HNRNPA1: variants seen among roughly 807,000 people sequenced by gnomAD.
HNRNPA1 encodes epididymis secretory sperm binding protein.
A neutral mutation model predicts 44.4 loss-of-function variants in HNRNPA1; 7 were observed. The observed-to-expected ratio is 0.16, with a 90% CI of 0.09 to 0.30. The LOEUF (loss-of-function observed/expected upper bound fraction) is 0.30, where lower values mean the gene tolerates loss of function less well. HNRNPA1 is among the 10% of genes least tolerant of loss of function. The pLI is 1.00. For synonymous variants in HNRNPA1, 169 were observed against 160.6 expected, an observed-to-expected ratio of 1.05 and a Z score of -0.40; for missense variants, 193 against 465.8, an observed-to-expected ratio of 0.41 and a Z score of 5.39.
At chr12:54,281,963 T>C in intron 3 of HNRNPA1, 22 bp downstream of exon 3, 2 of 1,611,862 alleles carry the variant, frequency 1.2e-6, no homozygotes, top group Non-Finnish European at 1.7e-6. Context: ...TTTTTTCTTC[T>C]TCTTCTTAAA....
At chr12:54,281,324 T>A in intron 1 of HNRNPA1, 62 bp from the exon 2 acceptor site, 1 of 926,780 alleles carries the variant, frequency 1.1e-6, no homozygotes, top group South Asian at 1.4e-5. Context: ...GTTTTTCTTT[T>A]CCTCGATGGA....
Position 54,286,622 on chromosome 12 carries a change from T to A in HNRNPA1, c.*2078T>A, listed in dbSNP as rs1426627089. On this transcript the variant is annotated 3_prime_UTR_variant, in exon 11 of 11. Coordinates refer to ENST00000340913, the MANE Select transcript of HNRNPA1 (RefSeq NM_031157.4). ...GGGGGGTTTAGCTTGAGATGGGACTTGGTCTTAGAGCTAGTTCTAAAGGTT... is the reference window on the plus strand; with the variant it reads ...GGGGGGTTTAGCTTGAGATGGGACTAGGTCTTAGAGCTAGTTCTAAAGGTT... The A allele has an allele frequency of 6.6e-6, 1 of 152,146 alleles. No homozygotes were observed. Among genetic ancestry groups the A allele is most frequent in the Non-Finnish European group, 1.5e-5 (1 of 68,014 alleles). The allele number at this position is 152,146 out of a possible 1,614,324, so 9.4% of individuals were successfully genotyped here. A position where few individuals can be genotyped will look rare whatever the true frequency, so the allele number is the denominator to read the frequency against.
chr12:54,282,198 A>G lies in HNRNPA1; in HGVS notation c.388A>G (p.Lys130Glu). The change falls in exon 4 of 11, where the codon AAA (lysine) becomes GAA (glutamate). Residue 130 changes from lysine (K) to glutamate (E), a missense_variant. This residue lies in a region of HNRNPA1 where 57 missense variants were observed against 231.3 expected (regional missense o/e 0.25). Coordinates refer to ENST00000340913, the MANE Select transcript of HNRNPA1 (RefSeq NM_031157.4). ...HLRDYFEQYG[K>E]IEVIEIMTDR... is the part of the protein sequence containing the mutation. ...AAGAGATTATTTTGAACAGTATGGA[A>G]AAATTGAAGTGATTGAAATCATGAC... 6.2e-7 allele frequency: 1 copy of G among 1,604,694 alleles called. No individual in the cohort carries two copies.
At chr12:54,281,687 C>G in intron 2 of HNRNPA1, 108 bp from the exon 3 acceptor site, 1 of 1,266,902 alleles carries the variant, frequency 7.9e-7, no homozygotes, top group Non-Finnish European at 1.1e-6. Flanking sequence ...AACTGGACGA[C>G]TTTTTATAAA....
At position 54,282,313 on chromosome 12, in the gene HNRNPA1, T is replaced by A. The variant is rs377105754; in HGVS notation, c.490+13T>A. 33 of 1,612,826 alleles carry A rather than the reference T, an allele frequency of 2.0e-5. No homozygotes were observed. The highest frequency in any genetic ancestry group is 2.7e-5 in the African/African-American group (2 of 74,918). ...GATAAGATTGTCAGTAAGTATCAGATAGTGGCATTTAGTAAGGGTTCCACA... is the reference window on the plus strand; with the variant it reads ...GATAAGATTGTCAGTAAGTATCAGAAAGTGGCATTTAGTAAGGGTTCCACA... On this transcript the variant is annotated intron_variant, in intron 4 of 10. Coordinates refer to ENST00000340913, the MANE Select transcript of HNRNPA1 (RefSeq NM_031157.4).
At position 54,285,653 on chromosome 12, in the gene HNRNPA1, ACAAC is replaced by A. The variant is rs1944252895; in HGVS notation, c.*1111_*1114del. On this transcript the variant is annotated 3_prime_UTR_variant, in exon 11 of 11. Transcript: ENST00000340913. ...TTCCCTTTATGGCACAAGGGGTCAC[ACAAC>A]CTACCTAAAATGTTAATTGTATAGA... is the stretch of plus-strand genomic sequence containing the variant. 1 of 152,204 alleles carries A rather than the reference ACAAC, an allele frequency of 6.6e-6. No homozygotes were observed. Among genetic ancestry groups the A allele is most frequent in the African/African-American group, 2.4e-5 (1 of 41,444 alleles). 9.4% of individuals were successfully genotyped at this position (152,204 alleles called of 1,614,324 possible).
rs766831350 is a variant in HNRNPA1 at position 54,281,074 on chromosome 12, C to CT, written c.15+259dup. 7 of 703,724 alleles carry CT rather than the reference C, an allele frequency of 9.9e-6. No individual in the cohort carries two copies. In the South Asian group the frequency reaches 1.0e-4, roughly 11 times the overall value. The allele number at this position is 703,724 out of a possible 1,614,324, so 43.6% of individuals were successfully genotyped here. A position where few individuals can be genotyped will look rare whatever the true frequency, so the allele number is the denominator to read the frequency against. On this transcript the variant is annotated intron_variant, in intron 1 of 10. Coordinates refer to ENST00000340913, the MANE Select transcript of HNRNPA1 (RefSeq NM_031157.4). The stretch of plus-strand genomic sequence containing the variant: ...ATTCTTAGGCACACAGGATCTTTGT[C>CT]TTTTTTTAAACCTTGCCTTGGTGAG...
intron 7 of HNRNPA1, 64 bp from the exon 8 acceptor site, chr12:54,283,015 A>T: frequency 3.8e-6 from 6 of 1,574,282 alleles, no homozygotes; most frequent in Non-Finnish European, 5.2e-6. Flanking sequence ...TTCAGCCGTT[A>T]CACTTGCACA....
chr12:54,280,917 C>G, intron 1 of HNRNPA1, 95 bp downstream of exon 1: 1 of 1,369,976 alleles, frequency 7.3e-7, no homozygotes, highest in Non-Finnish European at 1.0e-6. Flanking sequence ...CCAGCCCATT[C>G]TACAGTTCCT....
intron 2 of HNRNPA1, 109 bp downstream of exon 2, chr12:54,281,611 C>T: frequency 3.9e-6 from 4 of 1,019,200 alleles, no homozygotes; most frequent in Admixed American, 2.1e-5. Context: ...ATAGTTAGAG[C>T]TTTGTTGGCA....
chr12:54,281,382 C>T lies in HNRNPA1; in HGVS notation c.16-4C>T, dbSNP rs1318434200. On this transcript the variant is annotated splice_polypyrimidine_tract_variant and splice_region_variant and intron_variant, in intron 1 of 10. Transcript: ENST00000340913. ...TTTAACACTTCCCCCTCCCCCCACT[C>T]TAGTCTCCTAAAGAGCCCGAACAGC... 3.9e-6 allele frequency: 6 copies of T among 1,534,998 alleles called. No individual in the cohort carries two copies. The highest frequency in any genetic ancestry group is 1.9e-5 in the Admixed American group (1 of 53,428).
rs1048220401 is a variant in HNRNPA1 at position 54,285,212 on chromosome 12, C to T, written c.*668C>T. The T allele has an allele frequency of 1.3e-5, 2 of 153,074 alleles. No individual in the cohort carries two copies. Among genetic ancestry groups the T allele is most frequent in the African/African-American group, 4.8e-5 (2 of 41,438 alleles). 9.5% of individuals were successfully genotyped at this position (153,074 alleles called of 1,614,324 possible). On this transcript the variant is annotated 3_prime_UTR_variant, in exon 11 of 11. Transcript: ENST00000340913. The stretch of plus-strand genomic sequence containing the variant: ...GGAATGAAGCTTGTGTATCCATTAT[C>T]ATGTGTAATCAATAAACGATTTAAT...
Position 54,282,589 on chromosome 12 carries a change from A to G in HNRNPA1, c.600A>G (p.Gly200=). 1.2e-6 allele frequency: 2 copies of G among 1,613,960 alleles called. No individual in the cohort carries two copies. Among genetic ancestry groups the G allele is most frequent in the Non-Finnish European group, 1.7e-6 (2 of 1,179,934 alleles). ...TGTCTTAAGGTCGAAGTGGTTCTGG[A>G]AACTTTGGTGGTGGTCGTGGAGGTG... ...SSSQRGRSGS[G]NFGGGRGGGF... The change falls in exon 6 of 11, where the codon GGA becomes GGG. Residue 200 remains glycine, a synonymous_variant. Transcript: ENST00000340913.
intron 1 of HNRNPA1, 184 bp downstream of exon 1, chr12:54,281,006 G>T (rs759986873): frequency 1.4e-6 from 1 of 727,878 alleles, no homozygotes; most frequent in Admixed American, 2.0e-5. Flanking sequence ...GCCGCTCTCC[G>T]CCAACCATGA....
At position 54,283,130 on chromosome 12, in the gene HNRNPA1, G is replaced by GAA. The variant is rs1252408720; in HGVS notation, c.804_805dup (p.Ser269LysfsTer61). The GAA allele has an allele frequency of 1.4e-5, 23 of 1,613,584 alleles. No individual in the cohort carries two copies. The highest frequency in any genetic ancestry group is 1.9e-5 in the Non-Finnish European group (23 of 1,179,784). ...TACTCTGGAGGAAGCAGAGGCTATG[G>GAA]AAGTGGTGGACAGGGTTATGGAAAC... On this transcript the variant is annotated frameshift_variant, in exon 8 of 11. Transcript: ENST00000340913. LOFTEE classifies it high-confidence loss of function.
Position 54,281,301 on chromosome 12 carries a change from CAGTT to C in HNRNPA1, c.16-84_16-81del, listed in dbSNP as rs1944164302. On this transcript the variant is annotated intron_variant, in intron 1 of 10. Coordinates refer to ENST00000340913, the MANE Select transcript of HNRNPA1 (RefSeq NM_031157.4). ...GAACGAACAATAAGTGCTAGGTACA[CAGTT>C]GGTGTCTAGTTTTTCTTTTCCTCGA... is the stretch of plus-strand genomic sequence containing the variant. 4 of 776,794 alleles carry C rather than the reference CAGTT, an allele frequency of 5.1e-6. No individual in the cohort carries two copies. In the Admixed American group the frequency reaches 6.2e-5, roughly 12 times the overall value. The allele number at this position is 776,794 out of a possible 1,614,324, so 48.1% of individuals were successfully genotyped here.
Position 54,282,971 on chromosome 12 carries a change from A to C in HNRNPA1, c.751+97A>C, listed in dbSNP as rs549722940. ...AAAATTCTGGTGCATGTCAAACTCAACTTTGCCCATAACACGCATGCTGTG... is the reference window on the plus strand; with the variant it reads ...AAAATTCTGGTGCATGTCAAACTCACCTTTGCCCATAACACGCATGCTGTG... On this transcript the variant is annotated intron_variant, in intron 7 of 10. Coordinates refer to ENST00000340913, the MANE Select transcript of HNRNPA1 (RefSeq NM_031157.4). 14 of 1,489,972 alleles carry C rather than the reference A, an allele frequency of 9.4e-6. No homozygotes were observed. In the African/African-American group the frequency reaches 1.5e-4, roughly 16 times the overall value. The allele number at this position is 1,489,972 out of a possible 1,614,324, so 92.3% of individuals were successfully genotyped here.
intron 9 of HNRNPA1, 62 bp from the exon 10 acceptor site, chr12:54,284,194 TCC>T: frequency 6.5e-7 from 1 of 1,542,098 alleles, no homozygotes; most frequent in African/African-American, 1.4e-5. Context: ...ACTTTTATTA[TCC>T]CAAATATGAA....
At chr12:54,284,178 AATTTAACTTTT>A (rs1317696511) in intron 9 of HNRNPA1, 69 bp from the exon 10 acceptor site, 1 of 1,490,196 alleles carries the variant, frequency 6.7e-7, no homozygotes, top group Non-Finnish European at 9.3e-7. Flanking sequence ...CAGACACTTG[AATTTAACTTTT>A]ATTATCCCAA....
Sources: gnomAD v4.1 joint callset for allele counts on GRCh38, gnomAD v4.1.1 for gene constraint, gnomAD v4.1.1 regional missense constraint, MANE v1.5 for transcripts, NCBI Gene and HGNC (gene_info 2026-07-23, HGNC 2026-07-21) for gene names.